The following SLC36A1 variants were observed in gnomAD, a reference collection of about 807,000 sequenced individuals.
SLC36A1 encodes proton-coupled amino acid transporter 1.
In SLC36A1, 30 loss-of-function variants were observed where a neutral mutation model predicts 47.5. That is an observed-to-expected ratio of 0.63 (90% CI 0.47 to 0.86). The LOEUF (loss-of-function observed/expected upper bound fraction) is 0.86. Ranked by LOEUF, SLC36A1 falls within the 40% of genes least tolerant of loss-of-function variation. The probability of loss-of-function intolerance (pLI) is 0.00; values close to 1 mark genes in which losing one functional copy is unlikely to be tolerated. For missense variants in SLC36A1, 517 were observed against 606.0 expected (o/e 0.85, Z 1.54); for synonymous variants, 255 against 249.7 (o/e 1.02, Z -0.20).
At position 151,465,167 on chromosome 5, in the gene SLC36A1, A is replaced by G. The variant is rs752238856; in HGVS notation, c.417A>G (p.Gly139=). The G allele has an allele frequency of 2.7e-5, 43 of 1,612,876 alleles. No individual in the cohort carries two copies. The highest frequency in any genetic ancestry group is 3.2e-5 in the Non-Finnish European group (38 of 1,178,984). Residue 139 remains glycine (G), a splice_region_variant and synonymous_variant, in exon 5 of 11, where the codon GGA becomes GGG. Coordinates refer to ENST00000243389, the MANE Select transcript of SLC36A1 (RefSeq NM_078483.4). ...GGCTCCGGAACCACGCACACTGGGG[A>G]AGGTAACTGATTTCCTCCTTCCTTT... ...CSWLRNHAHW[G]RRVVDFFLIV...
At chr5:151,346,183 G>C in the SLC36A1 span, among the ~76,000 whole-genome samples, 2 of 152,080 alleles carry the variant, frequency 1.3e-5, no homozygotes, top group Non-Finnish European at 2.9e-5. Context: ...TTCCCTCAAG[G>C]CCTCTGACTG....
chr5:151,389,554 T>TC, the SLC36A1 span, among the ~76,000 whole-genome samples: 6 of 108,998 alleles, frequency 5.5e-5, no homozygotes, highest in African/African-American at 1.8e-4. Context: ...ATGCTATCCC[T>TC]CCCCCCTCCC....
chr5:151,469,463 T>A (rs1240102013), intron 7 of SLC36A1, among the ~76,000 whole-genome samples: 1 of 152,244 alleles, frequency 6.6e-6, no homozygotes, highest in Non-Finnish European at 1.5e-5. Flanking sequence ...GGAGATTTGC[T>A]GCCATTTATT....
chr5:151,418,494 T>A, the SLC36A1 span, among the ~76,000 whole-genome samples: 4 of 152,122 alleles, frequency 2.6e-5, no homozygotes, highest in Admixed American at 1.3e-4. Flanking sequence ...AGAAATGGAG[T>A]CAAAGGCGAT....
the SLC36A1 span, chr5:151,538,066 C>T: frequency 6.3e-5 from 44 of 700,836 alleles, no homozygotes; most frequent in South Asian, 7.2e-4. Flanking sequence ...AGGGCAGAGA[C>T]GAAGAGAGAC....
the SLC36A1 span, among the ~76,000 whole-genome samples, chr5:151,540,179 G>T: frequency 6.6e-6 from 1 of 152,242 alleles, no homozygotes; most frequent in Non-Finnish European, 1.5e-5. Context: ...TGTAGGGGGA[G>T]AGATGTGGGC....
chr5:151,403,073 C>T, the SLC36A1 span, among the ~76,000 whole-genome samples: 1 of 151,788 alleles, frequency 6.6e-6, no homozygotes, highest in African/African-American at 2.4e-5. Context: ...GTTTCTGTTT[C>T]TCTAGTTCCT....
chr5:151,429,800 A>G, the SLC36A1 span, among the ~76,000 whole-genome samples: 1 of 152,076 alleles, frequency 6.6e-6, no homozygotes, highest in African/African-American at 2.4e-5. Flanking sequence ...TTTTCCTACT[A>G]CAGCCAATGC....
chr5:151,525,991 C>T, the SLC36A1 span: 6 of 1,610,474 alleles, frequency 3.7e-6, no homozygotes, highest in Admixed American at 1.0e-4. Flanking sequence ...ACAAAGAAGG[C>T]AAAGAGCAGA....
At chr5:151,396,629 TTAAA>T in the SLC36A1 span, among the ~76,000 whole-genome samples, 58 of 42,842 alleles carry the variant, frequency 1.4e-3, no homozygotes, top group African/African-American at 0.019. Flanking sequence ...AAAATTTTCT[TTAAA>T]TATGAATGGG....
chr5:151,410,407 G>A, the SLC36A1 span, among the ~76,000 whole-genome samples: 3 of 143,930 alleles, frequency 2.1e-5, 1 homozygote, highest in African/African-American at 7.5e-5. Flanking sequence ...TATAAAGAGA[G>A]AAAAATTATC....
chr5:151,372,581 C>A, the SLC36A1 span, among the ~76,000 whole-genome samples: 5 of 152,050 alleles, frequency 3.3e-5, no homozygotes, highest in Non-Finnish European at 2.9e-5. Context: ...GTAGCTAGGA[C>A]TTCAGGTGCA....
chr5:151,476,228 G>C (rs1758032211), intron 8 of SLC36A1, among the ~76,000 whole-genome samples: 1 of 152,270 alleles, frequency 6.6e-6, no homozygotes, highest in Non-Finnish European at 1.5e-5. Flanking sequence ...TTAGATGCCA[G>C]GTGGGCATGA....
At chr5:151,369,331 A>T in the SLC36A1 span, among the ~76,000 whole-genome samples, 2 of 152,258 alleles carry the variant, frequency 1.3e-5, no homozygotes, top group Non-Finnish European at 2.9e-5. Context: ...AATCAACTCA[A>T]TTGGGCTACT....
the SLC36A1 span, among the ~76,000 whole-genome samples, chr5:151,430,331 A>ATTTTTGTTT: frequency 8.5e-6 from 1 of 117,540 alleles, no homozygotes; most frequent in Admixed American, 8.4e-5. Context: ...CACCTGGCTA[A>ATTTTTGTTT]TTTTTTTTTT....
the SLC36A1 span, chr5:151,510,294 C>G: frequency 8.5e-7 from 1 of 1,174,494 alleles, no homozygotes; most frequent in South Asian, 1.4e-5. Flanking sequence ...TTTGGTTGCT[C>G]CCCTCTGTGC....
chr5:151,460,588 C>G (rs184934397), intron 2 of SLC36A1, among the ~76,000 whole-genome samples: 126 of 152,148 alleles, frequency 8.3e-4, no homozygotes, highest in Middle Eastern at 3.4e-3. Flanking sequence ...ATTACAGTCC[C>G]ATCACAGGTG....
rs1760059051 is a variant in SLC36A1, at chr5:151,490,914, C to G, written c.*2660C>G. On this transcript the variant is annotated 3_prime_UTR_variant, in exon 11 of 11. Coordinates refer to ENST00000243389, the MANE Select transcript of SLC36A1 (RefSeq NM_078483.4). ...AAAGGGCTTCTTGAGGTAGAGAGCC[C>G]TCCCCAGTGTCTTCCCAGGATAAGT... The G allele has an allele frequency of 6.6e-6, 1 of 152,258 alleles. No homozygotes were observed. Among genetic ancestry groups the G allele is most frequent in the Admixed American group, 6.5e-5 (1 of 15,276 alleles). The allele number at this position is 152,258 out of a possible 1,614,324, so 9.4% of individuals were successfully genotyped here. A position where few individuals can be genotyped will look rare whatever the true frequency, so the allele number is the denominator to read the frequency against.
chr5:151,501,326 C>T, the SLC36A1 span, among the ~76,000 whole-genome samples: 7 of 151,818 alleles, frequency 4.6e-5, no homozygotes, highest in South Asian at 4.1e-4. Flanking sequence ...GTGTCTCCCA[C>T]GGGTGTGCCT....
Sources: gnomAD v4.1 joint callset for allele counts (sites outside exome capture counted in the v4.1 genomes callset) on GRCh38, gnomAD v4.1.1 for gene constraint, MANE v1.5 for transcripts, NCBI Gene and HGNC (gene_info 2026-07-23, HGNC 2026-07-21) for gene names.